The following NARF variants were observed in gnomAD, a reference collection of about 807,000 sequenced individuals.
NARF encodes iron-only hydrogenase-like protein 2.
In NARF, 41 loss-of-function variants were observed where a neutral mutation model predicts 48.0. That is an observed-to-expected ratio of 0.85 (90% CI 0.66 to 1.11). The LOEUF (loss-of-function observed/expected upper bound fraction) is 1.11. NARF is among the 50% of genes least tolerant of loss of function. The probability of loss-of-function intolerance (pLI) is 0.00; values close to 1 mark genes in which losing one functional copy is unlikely to be tolerated. For missense variants in NARF, 613 were observed against 590.2 expected, an observed-to-expected ratio of 1.04 and a Z score of -0.40; for synonymous variants, 215 against 225.5, an observed-to-expected ratio of 0.95 and a Z score of 0.42.
In NARF at chr17:82,488,540, A is replaced by C; in HGVS notation, c.*383A>C. 1 of 178,204 alleles carries C rather than the reference A, an allele frequency of 5.6e-6. No homozygotes were observed. 11.0% of individuals were successfully genotyped at this position (178,204 alleles called of 1,614,324 possible). A position where few individuals can be genotyped will look rare whatever the true frequency, so the allele number is the denominator to read the frequency against. ...AACGCGCACACCACCATGCCCAGCTAATTTTTGTATTTTTAGTAGAGATGG... is the reference window on the plus strand; with the variant it reads ...AACGCGCACACCACCATGCCCAGCTCATTTTTGTATTTTTAGTAGAGATGG... On this transcript the variant is annotated 3_prime_UTR_variant, in exon 11 of 11. Transcript: ENST00000309794.
At chr17:82,483,268 A>C (rs1163345281) in intron 7 of NARF, 2 of 387,646 alleles carry the variant, frequency 5.2e-6, no homozygotes, top group East Asian at 1.9e-4. Flanking sequence ...ACAGCGAGAC[A>C]AGATTGCACC....
chr17:82,459,265 T>G (rs1599809045), intron 1 of NARF: 1 of 860,510 alleles, frequency 1.2e-6, no homozygotes, highest in Non-Finnish European at 1.4e-6. Flanking sequence ...CCTTCCGCGG[T>G]TGTCTCCAGG....
At chr17:82,474,752 A>G (rs1475370484) in intron 5 of NARF, among the ~76,000 whole-genome samples, 1 of 152,206 alleles carries the variant, frequency 6.6e-6, no homozygotes, top group African/African-American at 2.4e-5. Flanking sequence ...TTTATAAAAT[A>G]TAAAGAGGAA....
Position 82,485,543 on chromosome 17 carries a change from G to T in NARF, c.1018G>T (p.Val340Leu). Residue 340 changes from valine (V) to leucine (L), a missense_variant, in exon 10 of 11, where the codon GTG (valine) becomes TTG (leucine). By Grantham distance (32) the Val-to-Leu change is conservative. Transcript: ENST00000309794. ...EVTLEKNGEVVLRFAAAYGFR... is the reference protein window; with the variant it reads ...EVTLEKNGEVLLRFAAAYGFR... ...CACCCTTGAGAAGAACGGAGAGGTG[G>T]TGTTACGCTTTGCTGCAGCCTATGG... 6.2e-7 allele frequency: 1 copy of T among 1,614,262 alleles called. No homozygotes were observed. The highest frequency in any genetic ancestry group is 1.1e-5 in the South Asian group (1 of 91,086).
intron 5 of NARF, among the ~76,000 whole-genome samples, chr17:82,476,154 C>A (rs2043826981): frequency 6.6e-6 from 1 of 152,112 alleles, no homozygotes; most frequent in East Asian, 1.9e-4. Context: ...ATTGCAGGTG[C>A]ATGCCACCAT....
rs747350685 is a variant in NARF at position 82,481,199 on chromosome 17, G to C, written c.757G>C (p.Val253Leu). 2.5e-6 allele frequency: 4 copies of C among 1,613,984 alleles called. No individual in the cohort carries two copies. The highest frequency in any genetic ancestry group is 3.4e-6 in the Non-Finnish European group (4 of 1,179,992). Residue 253 changes from valine (V) to leucine (L), a missense_variant, in exon 7 of 11, where the codon GTG becomes CTG. Physicochemically the swap from Val to Leu is conservative, Grantham distance 32 (BLOSUM62 1). Transcript: ENST00000309794. ...GCATGGCTCCCGGGGCGCTGACTGCGTGTTAACATCAGGTGAGAGGTGGGC... is the reference window on the plus strand; with the variant it reads ...GCATGGCTCCCGGGGCGCTGACTGCCTGTTAACATCAGGTGAGAGGTGGGC... ...ALHGSRGADC[V>L]LTSGEIAQIM...
intron 10 of NARF, 104 bp from the exon 11 acceptor site, chr17:82,487,811 AT>A: frequency 4.5e-6 from 6 of 1,322,804 alleles, no homozygotes; most frequent in Non-Finnish European, 5.2e-6. Flanking sequence ...AAATTTAAAA[AT>A]CAGCCGGGCA....
intron 2 of NARF, chr17:82,460,845 A>G (rs759493622): frequency 1.3e-5 from 2 of 152,186 alleles, no homozygotes; most frequent in Non-Finnish European, 2.9e-5. Flanking sequence ...TCTTCTCAGA[A>G]CACACTACAC....
intron 4 of NARF, among the ~76,000 whole-genome samples, chr17:82,471,366 A>G (rs1277848181): frequency 6.7e-5 from 10 of 149,140 alleles, no homozygotes; most frequent in Non-Finnish European, 3.0e-5. Flanking sequence ...GAAGCAGGAG[A>G]ATGGTGTGAA....
At chr17:82,482,678 A>G (rs1599851987) in intron 7 of NARF, 1 of 152,594 alleles carries the variant, frequency 6.6e-6, no homozygotes, top group South Asian at 2.0e-4. Context: ...TGTCATATAA[A>G]TGTAGCTGGG....
At chr17:82,459,183 C>T in intron 1 of NARF, 2 of 1,074,784 alleles carry the variant, frequency 1.9e-6, no homozygotes, top group East Asian at 5.9e-5. Flanking sequence ...TAGGCGTTTT[C>T]GAACCTGCCC....
At position 82,478,702 on chromosome 17, in the gene NARF, C is replaced by G. The variant is rs1041345324; in HGVS notation, c.521-98C>G. On this transcript the variant is annotated intron_variant, in intron 5 of 10. Transcript: ENST00000309794. ...GGGGAAAAGGTGTTCTGGCTTCACC[C>G]TGGGGCGGCAGGGACTCGAGCTCAG... 5 of 1,244,150 alleles carry G rather than the reference C, an allele frequency of 4.0e-6. No individual in the cohort carries two copies. In the African/African-American group the frequency reaches 5.9e-5, roughly 15 times the overall value. 77.1% of individuals were successfully genotyped at this position (1,244,150 alleles called of 1,614,324 possible).
intron 10 of NARF, among the ~76,000 whole-genome samples, chr17:82,486,655 G>A (rs998214951): frequency 4.6e-5 from 7 of 152,172 alleles, no homozygotes; most frequent in East Asian, 1.9e-4. Flanking sequence ...GAGGTGGGCC[G>A]TGAAGCAGGG....
At position 82,468,681 on chromosome 17, in the gene NARF, G is replaced by A. The variant is rs1182275574; in HGVS notation, c.253-83G>A. On this transcript the variant is annotated intron_variant, in intron 3 of 10. Coordinates refer to ENST00000309794, the MANE Select transcript of NARF (RefSeq NM_012336.4). ...TTTGCATAGACCATCTATTAACGTT[G>A]TTCTGAATTTCTCATTAAGGTGTGT... The A allele has an allele frequency of 2.9e-6, 4 of 1,371,002 alleles. No homozygotes were observed. In the Admixed American group the frequency reaches 5.7e-5, roughly 20 times the overall value. 84.9% of individuals were successfully genotyped at this position (1,371,002 alleles called of 1,614,324 possible).
At chr17:82,485,738 C>T (rs1397968710) in intron 10 of NARF, 84 bp downstream of exon 10, 28 of 1,506,118 alleles carry the variant, frequency 1.9e-5, no homozygotes, top group Non-Finnish European at 2.4e-5. Context: ...AGAGATGGTG[C>T]TCTTGGCCAC....
At chr17:82,487,788 C>CCACAA in intron 10 of NARF, 128 bp from the exon 11 acceptor site, 1 of 759,778 alleles carries the variant, frequency 1.3e-6, no homozygotes, top group East Asian at 3.4e-5. Flanking sequence ...CCCTCCCGCC[C>CCACAA]AATCTCTACA....
intron 10 of NARF, among the ~76,000 whole-genome samples, chr17:82,486,566 C>T (rs953238015): frequency 6.6e-6 from 1 of 152,168 alleles, no homozygotes; most frequent in Non-Finnish European, 1.5e-5. Flanking sequence ...GAGAGGGGAG[C>T]CTGTGGCCTT....
intron 2 of NARF, among the ~76,000 whole-genome samples, chr17:82,462,045 A>G (rs901961674): frequency 1.3e-5 from 2 of 152,188 alleles, no homozygotes; most frequent in Admixed American, 1.3e-4. Flanking sequence ...GTCGTTGTAG[A>G]CAGATATCTA....
At chr17:82,467,652 A>G (rs1388769300) in intron 3 of NARF, among the ~76,000 whole-genome samples, 2 of 151,660 alleles carry the variant, frequency 1.3e-5, no homozygotes, top group African/African-American at 2.4e-5. Context: ...TTACAGGCAC[A>G]TGCCACCACA....
Sources: allele counts gnomAD v4.1 joint callset (sites outside exome capture counted in the v4.1 genomes callset), GRCh38; gene constraint gnomAD v4.1.1; transcripts MANE v1.5; gene names NCBI Gene and HGNC (gene_info 2026-07-23, HGNC 2026-07-21).